DSCAM: variants seen among roughly 807,000 people sequenced by gnomAD.
DSCAM encodes the protein cell adhesion molecule DSCAM.
In DSCAM, 47 loss-of-function variants were observed where a neutral mutation model predicts 217.7. That is an observed-to-expected ratio of 0.22 (90% CI 0.17 to 0.28). The LOEUF is 0.28. Ranked by LOEUF, DSCAM falls within the 10% of genes least tolerant of loss-of-function variation. DSCAM has a pLI of 1.00. For synonymous variants in DSCAM, 1,056 were observed against 1,015.3 expected, an observed-to-expected ratio of 1.04 and a Z score of -0.76; for missense variants, 2,080 against 2,618.3, an observed-to-expected ratio of 0.79 and a Z score of 4.49.
intron 3 of DSCAM, among the ~76,000 whole-genome samples, chr21:40,538,680 G>A (rs1298877083): frequency 6.6e-6 from 1 of 152,058 alleles, no homozygotes; most frequent in African/African-American, 2.4e-5. Context: ...TCCTCCCAGT[G>A]TGGTCCTTGA....
chr21:40,789,553 ATTTTTTT>A (rs3071032), intron 1 of DSCAM, among the ~76,000 whole-genome samples: 1 of 128,758 alleles, frequency 7.8e-6, no homozygotes, highest in African/African-American at 3.0e-5. Context: ...GAGTAGATTG[ATTTTTTT>A]TTTTTTTTTT....
Position 40,133,908 on chromosome 21 carries a change from G to A in DSCAM, c.3508C>T (p.Arg1170Cys), listed in dbSNP as rs770700594. 34 of 1,613,600 alleles carry A rather than the reference G, an allele frequency of 2.1e-5. No individual in the cohort carries two copies. The highest frequency in any genetic ancestry group is 6.7e-5 in the African/African-American group (5 of 74,890). Residue 1170 changes from arginine (R) to cysteine (C), a missense_variant, in exon 19 of 33, where the codon CGC (arginine) becomes TGC (cysteine). Arg to Cys is a radical substitution (Grantham distance 180, BLOSUM62 -3). Coordinates refer to ENST00000400454, the MANE Select transcript of DSCAM (RefSeq NM_001389.5). The part of the protein sequence containing the change: ...NYSIQVLAFT[R>C]AGDGVRSEQI... ...TCACTCCTGACCCCGTCTCCTGCGC[G>A]GGTGAAGGCCAGCACCTGGATGCTG...
At chr21:40,758,340 G>GGAAAAAAATAAAGAGGAACA (rs2091296574) in intron 1 of DSCAM, among the ~76,000 whole-genome samples, 1 of 151,936 alleles carries the variant, frequency 6.6e-6, no homozygotes, top group African/African-American at 2.4e-5. Context: ...AAAGGGACTG[G>GGAAAAAAATAAAGAGGAACA]GAAAAAAATA....
At chr21:40,785,608 T>G (rs1367731048) in intron 1 of DSCAM, among the ~76,000 whole-genome samples, 1 of 152,264 alleles carries the variant, frequency 6.6e-6, no homozygotes, top group East Asian at 1.9e-4. Flanking sequence ...ACAGTATGGC[T>G]TCCCGCCAAC....
At chr21:40,470,713 A>T (rs1244656588) in intron 3 of DSCAM, among the ~76,000 whole-genome samples, 1 of 152,104 alleles carries the variant, frequency 6.6e-6, no homozygotes, top group Non-Finnish European at 1.5e-5. Context: ...ACCACCATGT[A>T]TGGCTAATCT....
At chr21:40,373,729 G>T (rs1282940891) in intron 3 of DSCAM, among the ~76,000 whole-genome samples, 2 of 152,154 alleles carry the variant, frequency 1.3e-5, no homozygotes, top group Non-Finnish European at 2.9e-5. Flanking sequence ...TCCCTGGTTT[G>T]AGGTGCAATA....
intron 27 of DSCAM, among the ~76,000 whole-genome samples, chr21:40,074,145 C>G (rs1311004393): frequency 2.0e-5 from 3 of 152,156 alleles, no homozygotes. Context: ...CTAAATGTAT[C>G]AGTAAAGTTT....
In DSCAM at chr21:40,296,177, G is replaced by A. The variant is rs759607427; in HGVS notation, c.2063-3C>T. The A allele has an allele frequency of 6.2e-7, 1 of 1,613,630 alleles. No homozygotes were observed. Among genetic ancestry groups the A allele is most frequent in the African/African-American group, 1.3e-5 (1 of 74,902 alleles). ...CTGAACCACAAACTTGGGAGGAACT[G>A]AAAAGAGAGAAATGTCACCAGTAAT... On this transcript the variant is annotated splice_region_variant and splice_polypyrimidine_tract_variant and intron_variant, in intron 9 of 32. Transcript: ENST00000400454.
intron 15 of DSCAM, among the ~76,000 whole-genome samples, chr21:40,177,950 A>G (rs958928453): frequency 6.6e-6 from 1 of 152,174 alleles, no homozygotes; most frequent in Non-Finnish European, 1.5e-5. Context: ...CAGGGACTTG[A>G]GACTAAGCTG....
At chr21:40,367,825 T>C (rs2837582) in intron 4 of DSCAM, among the ~76,000 whole-genome samples, 111,455 of 152,092 alleles carry the variant, frequency 0.73, 41,247 homozygotes, top group African/African-American at 0.83. Flanking sequence ...GGATTATACA[T>C]TGTTGCTCTC....
rs1034882288 is a variant in DSCAM, at chr21:40,411,181, C to T, written c.509-41936G>A. ...AAGATAGACAGTAATTATATACACA[C>T]ACACACACACACACACACACACACA... On this transcript the variant is annotated intron_variant, in intron 3 of 32. Transcript: ENST00000400454. Among the ~76,000 whole-genome samples, 61 of 97,264 alleles carry T rather than the reference C, an allele frequency of 6.3e-4. 1 individual carries two copies. The highest frequency in any genetic ancestry group is 2.6e-3 in the African/African-American group (59 of 22,744). The allele number at this position is 97,264 out of a possible 152,430, so 63.8% of individuals were successfully genotyped here. A position where few individuals can be genotyped will look rare whatever the true frequency, so the allele number is the denominator to read the frequency against.
At chr21:40,454,665 G>A (rs1390993163) in intron 3 of DSCAM, among the ~76,000 whole-genome samples, 1 of 152,116 alleles carries the variant, frequency 6.6e-6, no homozygotes, top group Non-Finnish European at 1.5e-5. Context: ...CCAAATCAAG[G>A]GAAATCAAAT....
chr21:40,662,800 C>T (rs916624792), intron 3 of DSCAM, among the ~76,000 whole-genome samples: 11 of 152,294 alleles, frequency 7.2e-5, no homozygotes, highest in Non-Finnish European at 1.5e-4. Context: ...CACCAGCACC[C>T]TGCGGGCATC....
At chr21:40,824,951 T>C (rs557497076) in intron 1 of DSCAM, among the ~76,000 whole-genome samples, 18 of 152,348 alleles carry the variant, frequency 1.2e-4, no homozygotes, top group Non-Finnish European at 2.6e-4. Flanking sequence ...TCTGCTTCCA[T>C]AAACACTGCA....
chr21:40,175,805 ACACG>A (rs1555886102), intron 15 of DSCAM, among the ~76,000 whole-genome samples: 21 of 112,532 alleles, frequency 1.9e-4, no homozygotes, highest in Admixed American at 3.9e-4. Context: ...ACACACACAC[ACACG>A]CACACACACA....
At chr21:40,825,665 C>T (rs2091963401) in intron 1 of DSCAM, among the ~76,000 whole-genome samples, 1 of 152,056 alleles carries the variant, frequency 6.6e-6, no homozygotes, top group African/African-American at 2.4e-5. Flanking sequence ...TTGTATTCCT[C>T]AAAGTATATA....
Position 40,052,156 on chromosome 21 carries a change from C to T in DSCAM, c.5036-49G>A. ...AAGCCAAACACGTTTATCTCCCTTC[C>T]AACCACTCCCTGGCCTTTTCTCTCC... On this transcript the variant is annotated intron_variant, in intron 29 of 32. Coordinates refer to ENST00000400454, the MANE Select transcript of DSCAM (RefSeq NM_001389.5). 6 of 1,600,252 alleles carry T rather than the reference C, an allele frequency of 3.7e-6. No individual in the cohort carries two copies. The Middle Eastern group carries it at 5.1e-4, about 135-fold the overall frequency.
chr21:40,353,792 G>A, intron 4 of DSCAM, 49 bp from the exon 5 acceptor site: 2 of 1,431,102 alleles, frequency 1.4e-6, no homozygotes, highest in Non-Finnish European at 1.8e-6. Flanking sequence ...GAGTTGAAGT[G>A]GTCATTTAGA....
chr21:40,356,507 T>C (rs1264113217), intron 4 of DSCAM, among the ~76,000 whole-genome samples: 1 of 152,064 alleles, frequency 6.6e-6, no homozygotes, highest in Non-Finnish European at 1.5e-5. Context: ...GCCAAGGAGA[T>C]GTAACAGGCG....
Sources: gnomAD v4.1 joint callset for allele counts (sites outside exome capture counted in the v4.1 genomes callset) on GRCh38, gnomAD v4.1.1 for gene constraint, MANE v1.5 for transcripts, NCBI Gene and HGNC (gene_info 2026-07-23, HGNC 2026-07-21) for gene names.